Variants in PIK3C2G observed in about 807,000 individuals in gnomAD.
PIK3C2G encodes the protein phosphatidylinositol-4-phosphate 3-kinase catalytic subunit type 2 gamma.
A neutral mutation model predicts 181.1 loss-of-function variants in PIK3C2G; 168 were observed. The ratio of observed to expected loss-of-function variants is 0.93; its 90% CI spans 0.82 to 1.05. The LOEUF is 1.05. Ranked by LOEUF, PIK3C2G falls within the 50% of genes least tolerant of loss-of-function variation. PIK3C2G has a pLI of 0.00. For missense variants in PIK3C2G, 1,869 were observed against 1,732.8 expected (o/e 1.08, Z -1.40); for synonymous variants, 573 against 592.2 (o/e 0.97, Z 0.47).
chr12:18,372,297 T>C (rs1942122575), intron 13 of PIK3C2G, among the ~76,000 whole-genome samples: 1 of 152,094 alleles, frequency 6.6e-6, no homozygotes, highest in Non-Finnish European at 1.5e-5. Context: ...GGACAGGGAA[T>C]GTATTTATCT....
At position 18,269,092 on chromosome 12, in the gene PIK3C2G, G is replaced by T. The variant is rs1948635401; in HGVS notation, c.-79+7515G>T. Among the ~76,000 whole-genome samples, 3 of 151,764 alleles carry T rather than the reference G, an allele frequency of 2.0e-5. No homozygotes were observed. In the South Asian group the frequency reaches 6.2e-4, roughly 32 times the overall value. ...CACCTGGCAAATTTTTTTATTTTTA[G>T]TAGAGATGGGATTTTGTCGTGTTGG... On this transcript the variant is annotated intron_variant, in intron 1 of 32. Coordinates refer to ENST00000538779, the MANE Select transcript of PIK3C2G (RefSeq NM_001288772.2).
intron 18 of PIK3C2G, among the ~76,000 whole-genome samples, chr12:18,466,663 A>G (rs1479429892): frequency 6.6e-6 from 1 of 151,966 alleles, no homozygotes; most frequent in Admixed American, 6.6e-5. Context: ...CAGATGGCAT[A>G]ATGACTAGTT....
intron 25 of PIK3C2G, among the ~76,000 whole-genome samples, chr12:18,542,199 G>A (rs1340349008): frequency 6.6e-6 from 1 of 151,810 alleles, no homozygotes; most frequent in African/African-American, 2.4e-5. Context: ...GTTATGGTGT[G>A]ATAAAGAAGA....
At chr12:18,301,730 G>A (rs1591877013) in intron 5 of PIK3C2G, among the ~76,000 whole-genome samples, 2 of 151,836 alleles carry the variant, frequency 1.3e-5, no homozygotes, top group South Asian at 4.2e-4. Flanking sequence ...AATGAAATTC[G>A]TGGCTGGAGA....
chr12:18,693,929 A>G, the PIK3C2G span: 89 of 1,524,154 alleles, frequency 5.8e-5, no homozygotes, highest in Non-Finnish European at 8.0e-5. Flanking sequence ...CGACTTGATC[A>G]TGGCTAAAGA....
intron 5 of PIK3C2G, among the ~76,000 whole-genome samples, chr12:18,313,296 G>C (rs955526300): frequency 6.6e-6 from 1 of 152,114 alleles, no homozygotes; most frequent in Non-Finnish European, 1.5e-5. Context: ...AGAAAGGAAG[G>C]AAGACAAAGA....
At chr12:18,362,320 T>C (rs1357528711) in intron 11 of PIK3C2G, among the ~76,000 whole-genome samples, 6 of 152,130 alleles carry the variant, frequency 3.9e-5, no homozygotes, top group Non-Finnish European at 8.8e-5. Flanking sequence ...GTGCTAAGTC[T>C]AAGTGTTAGA....
In PIK3C2G at chr12:18,364,537, G is replaced by C. The variant is rs138928440; in HGVS notation, c.1748+1651G>C. Among the ~76,000 whole-genome samples the C allele has an allele frequency of 7.5e-4, 114 of 152,130 alleles. 1 individual carries two copies. Among genetic ancestry groups the C allele is most frequent in the African/African-American group, 2.7e-3 (113 of 41,496 alleles). On this transcript the variant is annotated intron_variant, in intron 12 of 32. Coordinates refer to ENST00000538779, the MANE Select transcript of PIK3C2G (RefSeq NM_001288772.2). ...GTCGACAGCAGGTAAAGCAGCACCA[G>C]ACAAAGGGTCCAGTAAGTGTTATTG... is the stretch of plus-strand genomic sequence containing the variant.
intron 7 of PIK3C2G, 63 bp downstream of exon 7, chr12:18,321,095 A>C: frequency 4.7e-6 from 4 of 855,602 alleles, no homozygotes; most frequent in Non-Finnish European, 7.6e-6. Flanking sequence ...GTCAAATCTC[A>C]GTATTTTTCA....
chr12:18,654,526 T>C, the PIK3C2G span, among the ~76,000 whole-genome samples: 1 of 152,140 alleles, frequency 6.6e-6, no homozygotes, highest in African/African-American at 2.4e-5. Context: ...AAAATCAGTA[T>C]AAAGGATGAA....
intron 16 of PIK3C2G, among the ~76,000 whole-genome samples, chr12:18,415,374 G>A (rs544865598): frequency 2.0e-5 from 3 of 152,266 alleles, no homozygotes; most frequent in Admixed American, 2.0e-4. Flanking sequence ...ATTGTTTTGA[G>A]GCACCACAAG....
the PIK3C2G span, chr12:18,693,168 C>G: frequency 6.5e-6 from 10 of 1,548,874 alleles, no homozygotes; most frequent in Non-Finnish European, 8.9e-6. Context: ...GGGCTCAGAA[C>G]ACTACATCAG....
chr12:18,723,604 T>TA, the PIK3C2G span: 3 of 1,231,072 alleles, frequency 2.4e-6, no homozygotes, highest in Non-Finnish European at 2.4e-6. Flanking sequence ...AAATGAATAT[T>TA]AGAGTATTTA....
At chr12:18,473,694 C>T (rs1189183606) in intron 18 of PIK3C2G, among the ~76,000 whole-genome samples, 42 of 152,146 alleles carry the variant, frequency 2.8e-4, no homozygotes, top group Admixed American at 2.8e-3. Context: ...ACTGTTCTTA[C>T]AGCGGTGACT....
intron 5 of PIK3C2G, among the ~76,000 whole-genome samples, chr12:18,303,902 G>A (rs1950314098): frequency 6.6e-6 from 1 of 151,634 alleles, no homozygotes; most frequent in South Asian, 2.1e-4. Context: ...TTAATTGACG[G>A]TTGTCAAGGA....
intron 8 of PIK3C2G, among the ~76,000 whole-genome samples, chr12:18,325,413 A>G (rs73064537): frequency 0.087 from 13,303 of 152,190 alleles, 930 homozygotes; most frequent in Admixed American, 0.23. Flanking sequence ...TTGTGAAGGA[A>G]GGTGGGGAGT....
intron 30 of PIK3C2G, among the ~76,000 whole-genome samples, chr12:18,601,615 T>C (rs1183760217): frequency 6.6e-6 from 1 of 152,172 alleles, no homozygotes; most frequent in Non-Finnish European, 1.5e-5. Flanking sequence ...AATCTGTAAA[T>C]TACTTTGGGC....
intron 24 of PIK3C2G, among the ~76,000 whole-genome samples, chr12:18,514,274 A>G (rs906069079): frequency 2.0e-5 from 3 of 151,812 alleles, no homozygotes; most frequent in African/African-American, 7.2e-5. Context: ...AGAATGTTTC[A>G]TGTGCACCTG....
chr12:18,411,977 G>GT (rs372769080), intron 16 of PIK3C2G, among the ~76,000 whole-genome samples: 2,630 of 148,804 alleles, frequency 0.018, 69 homozygotes, highest in African/African-American at 0.058. Flanking sequence ...GAATAGAAGT[G>GT]TTTTTTTTAC....
Sources: gnomAD v4.1 joint callset for allele counts (sites outside exome capture counted in the v4.1 genomes callset) on GRCh38, gnomAD v4.1.1 for gene constraint, MANE v1.5 for transcripts, NCBI Gene and HGNC (gene_info 2026-07-23, HGNC 2026-07-21) for gene names.